Variants in PRKCE observed in about 807,000 individuals in gnomAD.
PRKCE encodes protein kinase C epsilon type.
A neutral mutation model predicts 85.4 loss-of-function variants in PRKCE; 16 were observed. The observed-to-expected ratio is 0.19, with a 90% CI of 0.13 to 0.28. The LOEUF is 0.28. Ranked by LOEUF, PRKCE falls within the 10% of genes least tolerant of loss-of-function variation. The pLI is 1.00. For synonymous variants in PRKCE, 388 were observed against 371.5 expected, an observed-to-expected ratio of 1.04 and a Z score of -0.51; for missense variants, 573 against 975.2, an observed-to-expected ratio of 0.59 and a Z score of 5.49.
intron 1 of PRKCE, among the ~76,000 whole-genome samples, chr2:45,744,325 A>T (rs185776434): frequency 6.6e-6 from 1 of 152,238 alleles, no homozygotes; most frequent in East Asian, 1.9e-4. Flanking sequence ...AGAGAAGGCA[A>T]TGTTTTTCTC....
chr2:45,974,728 A>G (rs1172449177), intron 2 of PRKCE, among the ~76,000 whole-genome samples: 3 of 152,150 alleles, frequency 2.0e-5, no homozygotes, highest in Non-Finnish European at 4.4e-5. Flanking sequence ...TTACATTCAG[A>G]GAGGTCCAGG....
intron 11 of PRKCE, among the ~76,000 whole-genome samples, chr2:46,119,513 G>A (rs540367696): frequency 6.6e-6 from 1 of 152,300 alleles, no homozygotes; most frequent in East Asian, 1.9e-4. Flanking sequence ...CTAAGGGCTT[G>A]TGTTTTCCGA....
chr2:45,726,730 C>G (rs1681106791), intron 1 of PRKCE, among the ~76,000 whole-genome samples: 1 of 152,064 alleles, frequency 6.6e-6, no homozygotes, highest in Admixed American at 6.6e-5. Flanking sequence ...AAAAATATTG[C>G]TGATTTAAGG....
chr2:46,057,320 T>G (rs1179053412), intron 10 of PRKCE, among the ~76,000 whole-genome samples: 1 of 152,220 alleles, frequency 6.6e-6, no homozygotes. Flanking sequence ...TTGAGAAAAT[T>G]TGTTCTTCTT....
In PRKCE at chr2:46,185,136, C is replaced by T. The variant is rs575413699; in HGVS notation, c.*255C>T. Reference sequence around the variant, plus strand: ...GTCAGCAATTAGCTGTATACACTGCCGTGTTTGGACCATTGGCAAGCCTGG... The same window carrying T: ...GTCAGCAATTAGCTGTATACACTGCTGTGTTTGGACCATTGGCAAGCCTGG... On this transcript the variant is annotated 3_prime_UTR_variant, in exon 15 of 15. Transcript: ENST00000306156. The surrounding 1 kb of genome is among the most constrained non-coding windows in gnomAD (Gnocchi z 4.7). 6.8e-6 allele frequency: 3 copies of T among 441,226 alleles called. No individual in the cohort carries two copies. Among genetic ancestry groups the T allele is most frequent in the South Asian group, 7.4e-5 (2 of 27,092 alleles). The allele number at this position is 441,226 out of a possible 1,614,324, so 27.3% of individuals were successfully genotyped here. A position where few individuals can be genotyped will look rare whatever the true frequency, so the allele number is the denominator to read the frequency against.
intron 10 of PRKCE, among the ~76,000 whole-genome samples, chr2:46,075,665 C>G (rs1018505104): frequency 6.6e-6 from 1 of 152,144 alleles, no homozygotes; most frequent in African/African-American, 2.4e-5. Context: ...GAGAGGACTG[C>G]TTGAGCCTGG....
intron 2 of PRKCE, among the ~76,000 whole-genome samples, chr2:45,919,000 G>T (rs1698047180): frequency 1.3e-5 from 2 of 152,322 alleles, no homozygotes; most frequent in Non-Finnish European, 1.5e-5. Flanking sequence ...TATGCCAGCT[G>T]GGATGGACAG....
chr2:45,808,107 C>T (rs1047787132), intron 1 of PRKCE, among the ~76,000 whole-genome samples: 3 of 152,054 alleles, frequency 2.0e-5, no homozygotes, highest in African/African-American at 7.2e-5. Context: ...CATCTGTAAC[C>T]CTCACCACCT....
chr2:45,866,068 C>T (rs912176678), intron 2 of PRKCE, among the ~76,000 whole-genome samples: 16 of 152,148 alleles, frequency 1.1e-4, no homozygotes, highest in Admixed American at 9.8e-4. Context: ...GACCCTCTCT[C>T]CTCAACCTCC....
At chr2:46,181,970 G>A (rs2104727983) in intron 14 of PRKCE, among the ~76,000 whole-genome samples, 1 of 152,220 alleles carries the variant, frequency 6.6e-6, no homozygotes, top group South Asian at 2.1e-4. Context: ...GATTATACCG[G>A]TCTACCACAT....
chr2:45,924,948 C>G (rs1334262966), intron 2 of PRKCE, among the ~76,000 whole-genome samples: 2 of 152,132 alleles, frequency 1.3e-5, no homozygotes, highest in African/African-American at 4.8e-5. Context: ...ACATGGACAG[C>G]TCTGAGTGCA....
intron 6 of PRKCE, among the ~76,000 whole-genome samples, chr2:45,992,321 A>C (rs1703866293): frequency 6.6e-6 from 1 of 152,282 alleles, no homozygotes; most frequent in African/African-American, 2.4e-5. Flanking sequence ...GGTAGCAGAC[A>C]AGCGGCCGAT....
intron 1 of PRKCE, among the ~76,000 whole-genome samples, chr2:45,805,467 T>C (rs1029203649): frequency 6.6e-6 from 1 of 152,214 alleles, no homozygotes. Flanking sequence ...TTTACTTGTG[T>C]GACTCTCTAG....
At chr2:45,826,693 C>T (rs1259038620) in intron 1 of PRKCE, among the ~76,000 whole-genome samples, 1 of 152,142 alleles carries the variant, frequency 6.6e-6, no homozygotes, top group African/African-American at 2.4e-5. Flanking sequence ...TCCTGTTCAC[C>T]CCACCCACCC....
At chr2:46,151,472 C>T (rs1239898584) in intron 13 of PRKCE, among the ~76,000 whole-genome samples, 1 of 152,236 alleles carries the variant, frequency 6.6e-6, no homozygotes, top group Non-Finnish European at 1.5e-5. Flanking sequence ...ATGACTTGCT[C>T]TTCTGGTGGG....
At chr2:45,938,848 C>A (rs1029134713) in intron 2 of PRKCE, among the ~76,000 whole-genome samples, 2 of 152,224 alleles carry the variant, frequency 1.3e-5, no homozygotes, top group African/African-American at 4.8e-5. Context: ...TATTAGATTG[C>A]AAACCCCTGA....
intron 1 of PRKCE, among the ~76,000 whole-genome samples, chr2:45,739,132 T>A (rs1392571716): frequency 6.6e-6 from 1 of 152,230 alleles, no homozygotes; most frequent in Non-Finnish European, 1.5e-5. Context: ...CTCTCCAGGC[T>A]TAAATTCAAC....
At chr2:45,788,878 G>A (rs745538394) in intron 1 of PRKCE, among the ~76,000 whole-genome samples, 2 of 152,156 alleles carry the variant, frequency 1.3e-5, no homozygotes, top group Non-Finnish European at 2.9e-5. Context: ...AATCAGAGAA[G>A]GGCATTGACT....
chr2:45,851,697 C>T (rs915770255), intron 2 of PRKCE: 1 of 152,170 alleles, frequency 6.6e-6, no homozygotes, highest in Non-Finnish European at 1.5e-5. Flanking sequence ...GAGTGACTTG[C>T]CCATGGCCAG....
Sources: allele counts gnomAD v4.1 joint callset (sites outside exome capture counted in the v4.1 genomes callset), GRCh38; gene constraint gnomAD v4.1.1; non-coding constraint Gnocchi (gnomAD v3.1); transcripts MANE v1.5; gene names NCBI Gene and HGNC (gene_info 2026-07-23, HGNC 2026-07-21).